The following METTL15 variants were observed in gnomAD, a reference collection of about 807,000 sequenced individuals.
METTL15 encodes methyltransferase 15, mitochondrial 12S rRNA N4-cytidine.
A neutral mutation model predicts 38.3 loss-of-function variants in METTL15; 34 were observed. The observed-to-expected ratio is 0.89, with a 90% confidence interval of 0.68 to 1.18. The LOEUF (loss-of-function observed/expected upper bound fraction) is 1.18, where lower values mean the gene tolerates loss of function less well. METTL15 is among the 50% of genes most tolerant of loss of function. METTL15 has a pLI of 0.00. For missense variants in METTL15, 438 were observed against 498.4 expected (o/e 0.88, Z 1.15); for synonymous variants, 162 against 170.9 (o/e 0.95, Z 0.41).
chr11:28,173,508 G>T (rs1850936811), intron 3 of METTL15, among the ~76,000 whole-genome samples: 3 of 152,178 alleles, frequency 2.0e-5, no homozygotes, highest in Admixed American at 2.0e-4. Context: ...CTGGTTTATG[G>T]TAGTTTGTTA....
At chr11:28,164,594 G>A (rs1850589295) in intron 3 of METTL15, among the ~76,000 whole-genome samples, 1 of 151,952 alleles carries the variant, frequency 6.6e-6, no homozygotes, top group African/African-American at 2.4e-5. Context: ...ACAGTGTAAT[G>A]TTTTGCTGCA....
chr11:28,347,122 A>G (rs929780165), intron 3 of METTL15, among the ~76,000 whole-genome samples: 5 of 152,204 alleles, frequency 3.3e-5, no homozygotes, highest in Non-Finnish European at 7.3e-5. Flanking sequence ...TCTTCTTCTA[A>G]AAGATGTGGT....
At chr11:28,317,049 A>G in intron 6 of METTL15, among the ~76,000 whole-genome samples, 1 of 152,018 alleles carries the variant, frequency 6.6e-6, no homozygotes, top group East Asian at 1.9e-4. Flanking sequence ...CTTTCCTTTA[A>G]TTCTGGGCCA....
At chr11:28,192,263 G>C (rs1318836080) in intron 3 of METTL15, among the ~76,000 whole-genome samples, 3 of 151,742 alleles carry the variant, frequency 2.0e-5, no homozygotes, top group Non-Finnish European at 4.4e-5. Flanking sequence ...GTATCAAAAA[G>C]TTTTCCAGGC....
chr11:28,127,369 A>G (rs1852536455), intron 3 of METTL15, among the ~76,000 whole-genome samples: 1 of 152,134 alleles, frequency 6.6e-6, no homozygotes, highest in Non-Finnish European at 1.5e-5. Context: ...TTAAAAAAAA[A>G]TGGACATTTA....
chr11:28,293,049 CT>C, intron 5 of METTL15, among the ~76,000 whole-genome samples: 1 of 152,180 alleles, frequency 6.6e-6, no homozygotes, highest in South Asian at 2.1e-4. Context: ...TGCAGAAGCT[CT>C]TTAGTTTAAT....
At chr11:28,222,236 T>G (rs1216808390) in intron 4 of METTL15, among the ~76,000 whole-genome samples, 1 of 152,236 alleles carries the variant, frequency 6.6e-6, no homozygotes, top group African/African-American at 2.4e-5. Context: ...GTTTACCTGC[T>G]GAAGCCTCAG....
At chr11:28,147,913 G>T (rs929748660) in intron 3 of METTL15, among the ~76,000 whole-genome samples, 1 of 151,714 alleles carries the variant, frequency 6.6e-6, no homozygotes. Flanking sequence ...GGAGTTTAAT[G>T]CTCTATCTAA....
intron 6 of METTL15, among the ~76,000 whole-genome samples, chr11:28,478,250 G>A (rs1851363907): frequency 6.6e-6 from 1 of 152,024 alleles, no homozygotes; most frequent in South Asian, 2.1e-4. Flanking sequence ...TCTTATCTTG[G>A]TAAAAATGTT....
chr11:28,206,129 A>G (rs1458301904), intron 3 of METTL15, among the ~76,000 whole-genome samples: 2 of 150,150 alleles, frequency 1.3e-5, no homozygotes, highest in African/African-American at 5.0e-5. Context: ...CCATTTGTCA[A>G]TTTTGGCTTT....
At chr11:28,439,325 C>A (rs1157122886) in intron 6 of METTL15, among the ~76,000 whole-genome samples, 2 of 152,160 alleles carry the variant, frequency 1.3e-5, no homozygotes, top group Non-Finnish European at 2.9e-5. Context: ...TCTCCACTAA[C>A]CTTCCTGCTA....
intron 4 of METTL15, among the ~76,000 whole-genome samples, chr11:28,270,504 A>G (rs1219013909): frequency 6.6e-6 from 1 of 152,156 alleles, no homozygotes; most frequent in Non-Finnish European, 1.5e-5. Flanking sequence ...AGAACATTGT[A>G]ATATTATGCG....
At chr11:28,342,701 C>A (rs1198606567) in intron 3 of METTL15, among the ~76,000 whole-genome samples, 1 of 152,170 alleles carries the variant, frequency 6.6e-6, no homozygotes, top group Non-Finnish European at 1.5e-5. Context: ...TTTAAGGCTT[C>A]TTTCATCTGA....
rs144647768 is a variant in METTL15, at chr11:28,113,382, A to C, written c.48A>C (p.Ser16=). ...GTAGAATGTATAAAGAATGCCTTTC[A>C]TGTTGGTTGGAATCTGGCATACCTA... ...YFCRMYKECL[S]CWLESGIPNL... The change falls in exon 3 of 7, where the codon TCA becomes TCC. Residue 16 remains serine, a synonymous_variant. Coordinates refer to ENST00000407364, the MANE Select transcript of METTL15 (RefSeq NM_001113528.2). 149 of 1,594,208 alleles carry C rather than the reference A, an allele frequency of 9.3e-5. No individual in the cohort carries two copies. The African/African-American group carries it at 1.9e-3, about 20-fold the overall frequency.
chr11:28,226,399 G>A (rs557817335), intron 4 of METTL15, among the ~76,000 whole-genome samples: 2 of 151,910 alleles, frequency 1.3e-5, no homozygotes, highest in African/African-American at 4.8e-5. Context: ...ATATTACTGT[G>A]GAGCAAAAAG....
chr11:28,234,073 C>T (rs529000581), intron 4 of METTL15, among the ~76,000 whole-genome samples: 21 of 151,102 alleles, frequency 1.4e-4, no homozygotes, highest in South Asian at 8.4e-4. Context: ...TTTGTCCTTG[C>T]GATAGTTTAC....
intron 3 of METTL15, chr11:28,122,007 A>C (rs1173976110): frequency 1.5e-5 from 7 of 464,428 alleles, no homozygotes; most frequent in Non-Finnish European, 2.1e-5. Context: ...TAAATGTTGA[A>C]TTCTTATATT....
chr11:28,402,032 C>T (rs1215348466), intron 5 of METTL15, among the ~76,000 whole-genome samples: 1 of 151,922 alleles, frequency 6.6e-6, no homozygotes, highest in African/African-American at 2.4e-5. Flanking sequence ...CTTCTAAAAC[C>T]TATCCAAGAG....
chr11:28,394,234 C>T (rs1017750700), intron 5 of METTL15, among the ~76,000 whole-genome samples: 1 of 151,954 alleles, frequency 6.6e-6, no homozygotes, highest in Admixed American at 6.6e-5. Flanking sequence ...GGCTCTATGA[C>T]ATATAAGAGT....
Sources: gnomAD v4.1 joint callset for allele counts (sites outside exome capture counted in the v4.1 genomes callset) on GRCh38, gnomAD v4.1.1 for gene constraint, MANE v1.5 for transcripts, NCBI Gene and HGNC (gene_info 2026-07-23, HGNC 2026-07-21) for gene names.